FOXO1: variants seen among roughly 807,000 people sequenced by gnomAD.
FOXO1 encodes the protein forkhead box O1, also known as forkhead box protein O1.
Under a neutral mutation model 44.1 loss-of-function variants are expected in FOXO1, and 6 were observed. That is an observed-to-expected ratio of 0.14 (90% CI 0.07 to 0.27). The LOEUF (loss-of-function observed/expected upper bound fraction) is 0.27, where lower values mean the gene tolerates loss of function less well. FOXO1 is among the 10% of genes least tolerant of loss of function. The probability of loss-of-function intolerance (pLI) is 1.00; values close to 1 mark genes in which losing one functional copy is unlikely to be tolerated. For missense variants in FOXO1, 737 were observed against 888.8 expected (o/e 0.83, Z 2.17); for synonymous variants, 380 against 362.7 (o/e 1.05, Z -0.54).
intron 1 of FOXO1, among the ~76,000 whole-genome samples, chr13:40,615,098 A>T (rs1876375175): frequency 6.6e-6 from 1 of 152,216 alleles, no homozygotes; most frequent in African/African-American, 2.4e-5. Flanking sequence ...CATGCAGCAA[A>T]CAACCGCTGA....
At chr13:40,586,614 G>C (rs1875178371) in intron 1 of FOXO1, among the ~76,000 whole-genome samples, 2 of 152,188 alleles carry the variant, frequency 1.3e-5, no homozygotes, top group African/African-American at 4.8e-5. Flanking sequence ...TGTAGTATCA[G>C]TTTTGACAAT....
intron 1 of FOXO1, among the ~76,000 whole-genome samples, chr13:40,613,447 A>G (rs1876307077): frequency 6.6e-6 from 1 of 152,110 alleles, no homozygotes; most frequent in African/African-American, 2.4e-5. Flanking sequence ...CCACACAGAA[A>G]GGACTTTAAG....
At chr13:40,619,193 C>T (rs2137899903) in intron 1 of FOXO1, 13 of 357,972 alleles carry the variant, frequency 3.6e-5, no homozygotes, top group South Asian at 2.9e-4. Flanking sequence ...ACTCAGGAGG[C>T]TGAGGCAGGA....
chr13:40,595,824 T>C (rs542084029), intron 1 of FOXO1, among the ~76,000 whole-genome samples: 30 of 152,278 alleles, frequency 2.0e-4, no homozygotes, highest in Non-Finnish European at 3.8e-4. Context: ...GGAGGTATTT[T>C]ATGACCACAT....
At chr13:40,661,337 G>A (rs894417314) in intron 1 of FOXO1, among the ~76,000 whole-genome samples, 4 of 151,730 alleles carry the variant, frequency 2.6e-5, no homozygotes, top group African/African-American at 2.4e-5. Context: ...GGTCAGTGAC[G>A]TGATCTCGGC....
chr13:40,632,891 A>G (rs975195020), intron 1 of FOXO1, among the ~76,000 whole-genome samples: 7 of 151,508 alleles, frequency 4.6e-5, no homozygotes, highest in Admixed American at 1.3e-4. Context: ...GTGCCATTGC[A>G]AAAGAGTGAA....
intron 1 of FOXO1, among the ~76,000 whole-genome samples, chr13:40,583,965 G>A (rs531380134): frequency 6.6e-6 from 1 of 152,150 alleles, no homozygotes; most frequent in Non-Finnish European, 1.5e-5. Context: ...CAGTGAGTGA[G>A]ATCAGATGGT....
At chr13:40,575,245 G>A (rs1874699848) in intron 1 of FOXO1, among the ~76,000 whole-genome samples, 1 of 152,222 alleles carries the variant, frequency 6.6e-6, no homozygotes, top group Admixed American at 6.5e-5. Flanking sequence ...GAAGGCAGAG[G>A]CAGGAGGATA....
chr13:40,632,597 C>T (rs1175403986), intron 1 of FOXO1, among the ~76,000 whole-genome samples: 1 of 151,238 alleles, frequency 6.6e-6, no homozygotes, highest in Non-Finnish European at 1.5e-5. Flanking sequence ...GAGATAGTGC[C>T]ATTGTACTAC....
intron 1 of FOXO1, among the ~76,000 whole-genome samples, chr13:40,665,107 G>A (rs1417308437): frequency 3.3e-5 from 5 of 151,102 alleles, no homozygotes; most frequent in Non-Finnish European, 5.9e-5. Context: ...CGGTCCCGGG[G>A]CAGCGAGGCT....
intron 1 of FOXO1, among the ~76,000 whole-genome samples, chr13:40,595,395 G>A (rs143143309): frequency 1.4e-3 from 213 of 152,248 alleles, no homozygotes; most frequent in African/African-American, 4.8e-3. Context: ...TCAAAACGCA[G>A]ATCCTCGTTC....
intron 1 of FOXO1, among the ~76,000 whole-genome samples, chr13:40,665,072 C>A (rs901646905): frequency 3.3e-5 from 5 of 151,802 alleles, no homozygotes; most frequent in African/African-American, 1.2e-4. Context: ...CGGTCGCGCC[C>A]TGCCTGTCCC....
At position 40,560,380 on chromosome 13, in the gene FOXO1, T is replaced by C; in HGVS notation, c.1111A>G (p.Met371Val). The C allele has an allele frequency of 1.9e-6, 3 of 1,614,170 alleles. No individual in the cohort carries two copies. Among genetic ancestry groups the C allele is most frequent in the East Asian group, 2.2e-5 (1 of 44,884 alleles). Reference sequence around the variant, plus strand: ...TTGAGATTATCCAAAAGATTTTCCATGTTTTCGGGATTGCTTATCTCAGAC... The same window carrying C: ...TTGAGATTATCCAAAAGATTTTCCACGTTTTCGGGATTGCTTATCTCAGAC... ...SLSEISNPEN[M>V]ENLLDNLNLL... is the part of the protein sequence containing the mutation. Residue 371 changes from methionine to valine, a missense_variant, in exon 2 of 3, where the codon ATG (methionine) becomes GTG (valine). Physicochemically the swap from Met to Val is conservative, Grantham distance 21. This residue lies in a region of FOXO1 where 136 missense variants were observed against 186.4 expected (regional missense o/e 0.73). Transcript: ENST00000379561. The surrounding 1 kb of genome is among the most constrained non-coding windows in gnomAD (Gnocchi z 5.1).
chr13:40,621,136 TC>T, intron 1 of FOXO1: 1 of 402,572 alleles, frequency 2.5e-6, no homozygotes, highest in South Asian at 2.7e-5. Flanking sequence ...TGACAATCTT[TC>T]CACCCAGCGC....
At chr13:40,585,341 G>A (rs899601535) in intron 1 of FOXO1, among the ~76,000 whole-genome samples, 8 of 94,690 alleles carry the variant, frequency 8.4e-5, no homozygotes, top group Admixed American at 2.2e-4. Context: ...CTCTGCGCGC[G>A]CGCACACACA....
In FOXO1 at chr13:40,556,673, G is replaced by T. The variant is rs1873764041; in HGVS notation, c.*2376C>A. On this transcript the variant is annotated 3_prime_UTR_variant, in exon 3 of 3. Coordinates refer to ENST00000379561, the MANE Select transcript of FOXO1 (RefSeq NM_002015.4). ...GAGAGCTACCAAGGATTCATGACAG[G>T]ATTTCAACACACAATGGGGGCTTGG... is the stretch of plus-strand genomic sequence containing the variant. 1 of 152,268 alleles carries T rather than the reference G, an allele frequency of 6.6e-6. No individual in the cohort carries two copies. The highest frequency in any genetic ancestry group is 2.1e-4 in the South Asian group (1 of 4,822). The allele number at this position is 152,268 out of a possible 1,614,324, so 9.4% of individuals were successfully genotyped here.
chr13:40,624,724 C>A (rs1039113389), intron 1 of FOXO1, among the ~76,000 whole-genome samples: 20 of 152,100 alleles, frequency 1.3e-4, no homozygotes, highest in Non-Finnish European at 2.9e-5. Context: ...ATGGAATCAA[C>A]CACTCCCCCA....
intron 1 of FOXO1, among the ~76,000 whole-genome samples, chr13:40,630,817 T>C (rs569809256): frequency 5.3e-5 from 8 of 152,280 alleles, no homozygotes; most frequent in East Asian, 1.9e-4. Context: ...TCTAAATCTT[T>C]TTAATTTCTT....
intron 1 of FOXO1, among the ~76,000 whole-genome samples, chr13:40,637,585 T>C: frequency 6.6e-6 from 1 of 152,182 alleles, no homozygotes; most frequent in Non-Finnish European, 1.5e-5. Context: ...ATATAATCTG[T>C]ACTTCACCAA....
Sources: gnomAD v4.1 joint callset for allele counts (sites outside exome capture counted in the v4.1 genomes callset) on GRCh38, gnomAD v4.1.1 for gene constraint, gnomAD v4.1.1 regional missense constraint, Gnocchi (gnomAD v3.1) non-coding constraint, MANE v1.5 for transcripts, NCBI Gene and HGNC (gene_info 2026-07-23, HGNC 2026-07-21) for gene names.